Variants in SLC22A15 observed in about 807,000 individuals in gnomAD.
The protein encoded by SLC22A15 is solute carrier family 22 member 15.
A neutral mutation model predicts 62.7 loss-of-function variants in SLC22A15; 45 were observed. The ratio of observed to expected loss-of-function variants is 0.72; its 90% CI spans 0.56 to 0.92. The LOEUF is 0.92. SLC22A15 is among the 40% of genes least tolerant of loss of function. The probability of loss-of-function intolerance (pLI) is 0.00; values close to 1 mark genes in which losing one functional copy is unlikely to be tolerated. For missense variants in SLC22A15, 622 were observed against 665.6 expected (o/e 0.93, Z 0.72); for synonymous variants, 264 against 267.0 (o/e 0.99, Z 0.11).
In SLC22A15 at chr1:116,019,728, G is replaced by C; in HGVS notation, c.433+14G>C. 1 of 1,601,994 alleles carries C rather than the reference G, an allele frequency of 6.2e-7. No homozygotes were observed. Among genetic ancestry groups the C allele is most frequent in the Non-Finnish European group, 8.5e-7 (1 of 1,176,930 alleles). ...TCTATCTCACAGGTAATCTATTAGA[G>C]TATTCATAAACTGGATGAGAGGGCT... On this transcript the variant is annotated intron_variant, in intron 3 of 11. Transcript: ENST00000369503.
At chr1:116,032,469 A>G in intron 6 of SLC22A15, 1 of 985,444 alleles carries the variant, frequency 1.0e-6, no homozygotes, top group Non-Finnish European at 1.2e-6. Flanking sequence ...ATGCAGGGAT[A>G]AAGGAAAGTG....
chr1:116,056,665 G>T (rs964551067), intron 8 of SLC22A15, among the ~76,000 whole-genome samples: 38 of 151,880 alleles, frequency 2.5e-4, no homozygotes, highest in African/African-American at 8.7e-4. Context: ...ATACTACAAG[G>T]CTACAGTAAC....
chr1:115,979,537 C>G (rs76017078), intron 1 of SLC22A15, among the ~76,000 whole-genome samples: 2,746 of 152,288 alleles, frequency 0.018, 36 homozygotes, highest in Middle Eastern at 0.065. Flanking sequence ...AACATTCTTA[C>G]CATCAAAATG....
chr1:116,039,948 C>T (rs964372721), intron 8 of SLC22A15, among the ~76,000 whole-genome samples: 10 of 152,128 alleles, frequency 6.6e-5, no homozygotes, highest in Admixed American at 1.3e-4. Flanking sequence ...AATTCTGTAG[C>T]ATCTTGTGTT....
chr1:116,020,904 A>C lies in SLC22A15; in HGVS notation c.598+19A>C. 2 of 1,592,248 alleles carry C rather than the reference A, an allele frequency of 1.3e-6. No homozygotes were observed. The highest frequency in any genetic ancestry group is 1.7e-6 in the Non-Finnish European group (2 of 1,169,400). ...CTTGCAGGTACTACTTAAATCATGC[A>C]GCTCTGGACTGGGTGAGCAGCTCCA... On this transcript the variant is annotated intron_variant, in intron 4 of 11. Coordinates refer to ENST00000369503, the MANE Select transcript of SLC22A15 (RefSeq NM_018420.3).
At chr1:115,989,420 G>A (rs1655039961) in intron 1 of SLC22A15, among the ~76,000 whole-genome samples, 1 of 152,112 alleles carries the variant, frequency 6.6e-6, no homozygotes, top group African/African-American at 2.4e-5. Context: ...CCTCAGATTA[G>A]AGGACCCTTT....
Position 116,068,367 on chromosome 1 carries a change from A to G in SLC22A15, c.*1259A>G, listed in dbSNP as rs1658544420. 1 of 152,614 alleles carries G rather than the reference A, an allele frequency of 6.6e-6. No individual in the cohort carries two copies. The highest frequency in any genetic ancestry group is 6.6e-5 in the Admixed American group (1 of 15,262). 9.5% of individuals were successfully genotyped at this position (152,614 alleles called of 1,614,324 possible). ...GTTTTCAGAATTTCCATTTCTACTA[A>G]CCTCTTGGAGAAAAAGAAATTGAAT... On this transcript the variant is annotated 3_prime_UTR_variant, in exon 12 of 12. Transcript: ENST00000369503.
rs758856656 is a variant in SLC22A15 at position 115,998,259 on chromosome 1, C to CT, written c.300+6019dup. Among the ~76,000 whole-genome samples the CT allele has an allele frequency of 5.1e-4, 77 of 151,898 alleles. 1 individual carries two copies. The highest frequency in any genetic ancestry group is 1.7e-3 in the East Asian group (9 of 5,152). On this transcript the variant is annotated intron_variant, in intron 2 of 11. Coordinates refer to ENST00000369503, the MANE Select transcript of SLC22A15 (RefSeq NM_018420.3). ...CTAGGTTTTCTTTTTTTTGGTGTGT[C>CT]TTTGTCTGGTTTTGGTGTCAGGGTA...
intron 8 of SLC22A15, among the ~76,000 whole-genome samples, chr1:116,042,120 G>A (rs1657805091): frequency 6.7e-6 from 1 of 148,622 alleles, no homozygotes; most frequent in African/African-American, 2.5e-5. Context: ...AACATTGAGT[G>A]TGTAGCCTCC....
intron 6 of SLC22A15, among the ~76,000 whole-genome samples, chr1:116,034,721 C>A (rs1418010310): frequency 6.6e-6 from 1 of 152,250 alleles, no homozygotes; most frequent in Non-Finnish European, 1.5e-5. Flanking sequence ...CACTGAAGAT[C>A]CAGTCACTTC....
At chr1:116,019,859 G>A (rs954650011) in intron 3 of SLC22A15, 145 bp downstream of exon 3, 9 of 925,638 alleles carry the variant, frequency 9.7e-6, no homozygotes, top group Non-Finnish European at 1.2e-5. Context: ...CTGGCAAGAG[G>A]CCAAACTGCA....
At chr1:115,999,549 G>C (rs1166617878) in intron 2 of SLC22A15, among the ~76,000 whole-genome samples, 1 of 150,152 alleles carries the variant, frequency 6.7e-6, no homozygotes, top group Non-Finnish European at 1.5e-5. Context: ...TGTCACCCAG[G>C]CTGGAGTGCA....
At chr1:116,014,102 A>T (rs1342826242) in intron 2 of SLC22A15, 1 of 152,176 alleles carries the variant, frequency 6.6e-6, no homozygotes, top group East Asian at 1.9e-4. Context: ...TAAGAATATA[A>T]ATATCAAAAA....
At chr1:116,060,751 A>G (rs188588306) in intron 8 of SLC22A15, among the ~76,000 whole-genome samples, 231 of 152,302 alleles carry the variant, frequency 1.5e-3, no homozygotes, top group African/African-American at 5.2e-3. Context: ...TCAAAAGTTG[A>G]GAAACATATC....
At chr1:115,999,884 TG>T (rs1455578644) in intron 2 of SLC22A15, among the ~76,000 whole-genome samples, 3 of 152,208 alleles carry the variant, frequency 2.0e-5, no homozygotes, top group Non-Finnish European at 4.4e-5. Context: ...TTAAAATTTT[TG>T]TCTTGAAATC....
At chr1:116,062,628 G>A (rs937718174) in intron 8 of SLC22A15, 134 bp from the exon 9 acceptor site, 2 of 956,768 alleles carry the variant, frequency 2.1e-6, no homozygotes, top group Admixed American at 2.2e-5. Flanking sequence ...CCTTCTGAAT[G>A]TGTATTTGGT....
rs1658510167 is a variant in SLC22A15 at position 116,066,770 on chromosome 1, G to T, written c.1554+62G>T. 1.4e-5 allele frequency: 20 copies of T among 1,465,308 alleles called. 1 individual carries two copies. The South Asian group carries it at 2.7e-4, about 20-fold the overall frequency. The allele number at this position is 1,465,308 out of a possible 1,614,324, so 90.8% of individuals were successfully genotyped here. On this transcript the variant is annotated intron_variant, in intron 11 of 11. Coordinates refer to ENST00000369503, the MANE Select transcript of SLC22A15 (RefSeq NM_018420.3). ...AGTGGCAGTTAATGAAAAAAAGAAG[G>T]TTTGCGTTAAATTAAATAGAACTGA...
intron 4 of SLC22A15, among the ~76,000 whole-genome samples, chr1:116,023,138 T>A (rs1656922543): frequency 6.6e-6 from 1 of 152,216 alleles, no homozygotes; most frequent in Non-Finnish European, 1.5e-5. Flanking sequence ...TGAAAAATTA[T>A]GCTTATTACA....
chr1:115,998,181 GC>G (rs1471309490), intron 2 of SLC22A15, among the ~76,000 whole-genome samples: 1 of 152,044 alleles, frequency 6.6e-6, no homozygotes, highest in African/African-American at 2.4e-5. Context: ...AATTTGGTTT[GC>G]TAGTATTTTG....
Sources: gnomAD v4.1 joint callset for allele counts (sites outside exome capture counted in the v4.1 genomes callset) on GRCh38, gnomAD v4.1.1 for gene constraint, MANE v1.5 for transcripts, NCBI Gene and HGNC (gene_info 2026-07-23, HGNC 2026-07-21) for gene names.